The following RCOR1 variants were observed in gnomAD, a reference collection of about 807,000 sequenced individuals.
The protein encoded by RCOR1 is REST corepressor.
In RCOR1, 12 loss-of-function variants were observed where a neutral mutation model predicts 64.0. That is an observed-to-expected ratio of 0.19 (90% CI 0.12 to 0.30). RCOR1 has a LOEUF of 0.30. Ranked by LOEUF, RCOR1 falls within the 10% of genes least tolerant of loss-of-function variation. RCOR1 has a pLI of 1.00. For missense variants in RCOR1, 502 were observed against 621.2 expected (o/e 0.81, Z 2.04); for synonymous variants, 279 against 227.2 (o/e 1.23, Z -2.05).
intron 6 of RCOR1, 133 bp downstream of exon 6, chr14:102,708,716 T>C (rs927713292): frequency 8.1e-5 from 46 of 566,502 alleles, no homozygotes; most frequent in Non-Finnish European, 1.3e-4. Context: ...ATGAGATGTA[T>C]TAGAGCGTGT....
intron 3 of RCOR1, among the ~76,000 whole-genome samples, chr14:102,688,884 C>T (rs1434079414): frequency 6.6e-6 from 1 of 152,188 alleles, no homozygotes; most frequent in Non-Finnish European, 1.5e-5. Context: ...CCTGTTTATA[C>T]CATTCCAGGC....
At chr14:102,709,844 G>A (rs1895922909) in intron 6 of RCOR1, among the ~76,000 whole-genome samples, 2 of 152,196 alleles carry the variant, frequency 1.3e-5, no homozygotes, top group Non-Finnish European at 2.9e-5. Flanking sequence ...ATAATACAGA[G>A]TGGGATTGGA....
intron 2 of RCOR1, among the ~76,000 whole-genome samples, chr14:102,659,949 C>CTA (rs1894797996): frequency 6.6e-6 from 1 of 152,190 alleles, no homozygotes; most frequent in African/African-American, 2.4e-5. Flanking sequence ...ACTCCAGACA[C>CTA]TGACTTTCGT....
intron 2 of RCOR1, among the ~76,000 whole-genome samples, chr14:102,654,272 C>T (rs1412095328): frequency 6.6e-6 from 1 of 152,024 alleles, no homozygotes; most frequent in Non-Finnish European, 1.5e-5. Flanking sequence ...CAGGTCTGAG[C>T]CATTGCGCCC....
Position 102,603,622 on chromosome 14 carries a change from A to G in RCOR1, c.361+10297A>G, listed in dbSNP as rs561705015. Among the ~76,000 whole-genome samples the G allele has an allele frequency of 6.3e-5, 9 of 142,340 alleles. No individual in the cohort carries two copies. The East Asian group carries it at 8.4e-4, about 13-fold the overall frequency. The allele number at this position is 142,340 out of a possible 152,430, so 93.4% of individuals were successfully genotyped here. A position where few individuals can be genotyped will look rare whatever the true frequency, so the allele number is the denominator to read the frequency against. Reference sequence around the variant, plus strand: ...CCTGTGAATGTATCTTTCTTTTGCTATTTTTCTTTTTTTTCCCCCTTAGGG... The same window carrying G: ...CCTGTGAATGTATCTTTCTTTTGCTGTTTTTCTTTTTTTTCCCCCTTAGGG... On this transcript the variant is annotated intron_variant, in intron 2 of 11. Transcript: ENST00000262241.
chr14:102,712,710 G>A (rs569267878), intron 7 of RCOR1, among the ~76,000 whole-genome samples: 2 of 143,960 alleles, frequency 1.4e-5, no homozygotes, highest in South Asian at 2.2e-4. Flanking sequence ...GAAATTGGTC[G>A]TTTTTTTCTG....
rs1036842435 is a variant in RCOR1 at position 102,729,865 on chromosome 14, C to T, written c.*3359C>T. ...AACTCCAACGAGGGCCTCTTTTTCT[C>T]TCTTGTCTAGCCTGTTTCTAAACCG... is the stretch of plus-strand genomic sequence containing the variant. On this transcript the variant is annotated 3_prime_UTR_variant, in exon 12 of 12. Coordinates refer to ENST00000262241, the MANE Select transcript of RCOR1 (RefSeq NM_015156.4). 1.3e-5 allele frequency: 5 copies of T among 398,968 alleles called. No homozygotes were observed. Among genetic ancestry groups the T allele is most frequent in the Non-Finnish European group, 1.8e-5 (4 of 226,074 alleles). 24.7% of individuals were successfully genotyped at this position (398,968 alleles called of 1,614,324 possible).
At chr14:102,620,809 C>T (rs1893857731) in intron 2 of RCOR1, among the ~76,000 whole-genome samples, 2 of 152,156 alleles carry the variant, frequency 1.3e-5, no homozygotes, top group South Asian at 2.1e-4. Context: ...TGAAAGCCCT[C>T]ACCGTGGTCC....
At chr14:102,600,426 A>T (rs777326887) in intron 2 of RCOR1, among the ~76,000 whole-genome samples, 1 of 150,664 alleles carries the variant, frequency 6.6e-6, no homozygotes, top group Non-Finnish European at 1.5e-5. Flanking sequence ...TTTGAGACAG[A>T]GTTTTGCTCT....
At chr14:102,603,258 A>G (rs934801968) in intron 2 of RCOR1, among the ~76,000 whole-genome samples, 1 of 152,086 alleles carries the variant, frequency 6.6e-6, no homozygotes, top group Non-Finnish European at 1.5e-5. Flanking sequence ...GAATGTGACA[A>G]AAAGTACTAA....
chr14:102,676,762 G>A (rs1317143546), intron 2 of RCOR1, among the ~76,000 whole-genome samples: 3 of 99,316 alleles, frequency 3.0e-5, no homozygotes, highest in Non-Finnish European at 2.1e-5. Context: ...CGGACGGGGC[G>A]GCTGGCCGGG....
At chr14:102,630,372 T>C (rs1223199806) in intron 2 of RCOR1, among the ~76,000 whole-genome samples, 1 of 152,330 alleles carries the variant, frequency 6.6e-6, no homozygotes, top group South Asian at 2.1e-4. Context: ...ATGAGCCAAG[T>C]GAATTTCTTT....
intron 2 of RCOR1, among the ~76,000 whole-genome samples, chr14:102,678,434 G>T (rs570738974): frequency 6.6e-6 from 1 of 152,016 alleles, no homozygotes; most frequent in Admixed American, 6.6e-5. Flanking sequence ...TGAGTAGCTG[G>T]GTCTGCAGGC....
chr14:102,689,982 A>G (rs949921127), intron 3 of RCOR1, among the ~76,000 whole-genome samples: 4 of 151,898 alleles, frequency 2.6e-5, no homozygotes, highest in African/African-American at 4.8e-5. Context: ...TGACCTTGGG[A>G]TTTGCCTGCC....
At chr14:102,654,033 C>T (rs1206931751) in intron 2 of RCOR1, among the ~76,000 whole-genome samples, 6 of 135,716 alleles carry the variant, frequency 4.4e-5, no homozygotes, top group African/African-American at 1.1e-4. Flanking sequence ...TCGCCCAGGC[C>T]GGAGTGCAGT....
At chr14:102,644,937 G>A (rs192710563) in intron 2 of RCOR1, among the ~76,000 whole-genome samples, 12 of 152,300 alleles carry the variant, frequency 7.9e-5, no homozygotes, top group African/African-American at 2.9e-4. Flanking sequence ...AGAAATGGCT[G>A]ATTTTTATAG....
At chr14:102,689,536 T>C (rs1191313782) in intron 3 of RCOR1, among the ~76,000 whole-genome samples, 1 of 152,248 alleles carries the variant, frequency 6.6e-6, no homozygotes, top group East Asian at 1.9e-4. Context: ...TTTTGGCTAT[T>C]GGATATCCAT....
At chr14:102,675,932 A>G (rs1895136384) in intron 2 of RCOR1, among the ~76,000 whole-genome samples, 1 of 152,156 alleles carries the variant, frequency 6.6e-6, no homozygotes, top group South Asian at 2.1e-4. Flanking sequence ...TGAATATATT[A>G]GTAGTTCACT....
intron 2 of RCOR1, among the ~76,000 whole-genome samples, chr14:102,606,939 T>C (rs1375157922): frequency 2.7e-5 from 4 of 148,424 alleles, no homozygotes; most frequent in African/African-American, 9.9e-5. Context: ...TGTTAGTTTT[T>C]TTTTTTTTTT....
Sources: gnomAD v4.1 joint callset for allele counts (sites outside exome capture counted in the v4.1 genomes callset) on GRCh38, gnomAD v4.1.1 for gene constraint, MANE v1.5 for transcripts, NCBI Gene and HGNC (gene_info 2026-07-23, HGNC 2026-07-21) for gene names.